TRAF7: variants seen among roughly 807,000 people sequenced by gnomAD.
The protein encoded by TRAF7 is E3 ubiquitin-protein ligase TRAF7.
TRAF7 carries 45 observed loss-of-function variants against 89.3 expected under a neutral mutation model. The ratio of observed to expected loss-of-function variants is 0.50; its 90% CI spans 0.40 to 0.65. The LOEUF (loss-of-function observed/expected upper bound fraction) is 0.65, where lower values mean the gene tolerates loss of function less well. Ranked by LOEUF, TRAF7 falls within the 30% of genes least tolerant of loss-of-function variation. TRAF7 has a pLI of 0.00. For synonymous variants in TRAF7, 406 were observed against 369.2 expected, an observed-to-expected ratio of 1.10 and a Z score of -1.14; for missense variants, 677 against 918.1, an observed-to-expected ratio of 0.74 and a Z score of 3.39.
Position 2,162,393 on chromosome 16 carries a change from T to A in TRAF7, c.-38-1490T>A, listed in dbSNP as rs2093061601. ...TGTGGGCACGGTGGTGGGTGATGAGTGGCATCTTGAAGGCGCATGCAGGGC... is the reference window on the plus strand; with the variant it reads ...TGTGGGCACGGTGGTGGGTGATGAGAGGCATCTTGAAGGCGCATGCAGGGC... On this transcript the variant is annotated intron_variant, in intron 1 of 20. Coordinates refer to ENST00000326181, the MANE Select transcript of TRAF7 (RefSeq NM_032271.3). The surrounding 1 kb of genome is among the most constrained non-coding windows in gnomAD (Gnocchi z 5.0). Among the ~76,000 whole-genome samples the A allele has an allele frequency of 6.6e-6, 1 of 151,858 alleles. No homozygotes were observed. The highest frequency in any genetic ancestry group is 2.4e-5 in the African/African-American group (1 of 41,348).
chr16:2,173,833 G>A lies in TRAF7; in HGVS notation c.1132G>A (p.Gly378Ser). The stretch of plus-strand genomic sequence containing the variant: ...CGCGCGGCTGAACATGGGCATCCTA[G>A]GCTGTGAGTATGGACCCGCCGTGGC... Reference protein sequence around the residue: ...INARLNMGILGSYDPQQIFKC... With the variant: ...INARLNMGILSSYDPQQIFKC... Residue 378 changes from glycine to serine, a missense_variant, in exon 12 of 21, where the codon GGC becomes AGC. Transcript: ENST00000326181. 6.2e-7 allele frequency: 1 copy of A among 1,611,148 alleles called. No homozygotes were observed. Among genetic ancestry groups the A allele is most frequent in the Non-Finnish European group, 8.5e-7 (1 of 1,179,880 alleles).
In TRAF7 at chr16:2,160,202, G is replaced by T. The variant is rs574995478; in HGVS notation, c.-38-3681G>T. ...ACCCTGGGCCTGAATCCCAGATTCA[G>T]GCGAGGTCAGGGAGGGGCTGCCCTG... is the stretch of plus-strand genomic sequence containing the variant. On this transcript the variant is annotated intron_variant, in intron 1 of 20. Transcript: ENST00000326181. 2.0e-5 allele frequency among the ~76,000 whole-genome samples: 3 copies of T among 152,208 alleles called. No homozygotes were observed. In the South Asian group the frequency reaches 6.2e-4, roughly 32 times the overall value.
intron 1 of TRAF7, 129 bp downstream of exon 1, chr16:2,155,987 G>T (rs2093031919): frequency 6.6e-6 from 1 of 150,382 alleles, no homozygotes; most frequent in Non-Finnish European, 1.5e-5. Flanking sequence ...CGGGGAGGGG[G>T]GGGCGGGGCT....
rs1397292006 is a variant in TRAF7, at chr16:2,176,079, C to T, written c.1777C>T (p.Arg593Trp). 1.2e-6 allele frequency: 2 copies of T among 1,610,162 alleles called. No homozygotes were observed. The highest frequency in any genetic ancestry group is 1.7e-6 in the Non-Finnish European group (2 of 1,178,560). The change falls in exon 19 of 21, where the codon CGG (arginine) becomes TGG (tryptophan). Residue 593 changes from arginine (R) to tryptophan (W), a missense_variant. Around this residue, in one of 6 missense-constraint regions of TRAF7, gnomAD observed 160 missense variants for 263.7 expected, o/e 0.61. Coordinates refer to ENST00000326181, the MANE Select transcript of TRAF7 (RefSeq NM_032271.3). ...GGACATTGAGTCCAAGGAGCAGGTG[C>T]GGACCCTCACGGGCCACGTGGGCAC... The part of the protein sequence containing the change: ...VWDIESKEQV[R>W]TLTGHVGTVY...
rs1164847718 is a variant in TRAF7, at chr16:2,175,727, C to T, written c.1626+105C>T. On this transcript the variant is annotated intron_variant, in intron 17 of 20. Transcript: ENST00000326181. ...GCCCTGTTCCTACCTTCGCACATCC[C>T]CTGGCTGGGTGGGTGGGCTGCCCAG... is the stretch of plus-strand genomic sequence containing the variant. 4 of 1,587,892 alleles carry T rather than the reference C, an allele frequency of 2.5e-6. No individual in the cohort carries two copies. The African/African-American group carries it at 4.0e-5, about 16-fold the overall frequency.
At position 2,171,334 on chromosome 16, in the gene TRAF7, A is replaced by T. The variant is rs139591663; in HGVS notation, c.419A>T (p.Asp140Val). 1 of 1,553,508 alleles carries T rather than the reference A, an allele frequency of 6.4e-7. No homozygotes were observed. Among genetic ancestry groups the T allele is most frequent in the Non-Finnish European group, 8.7e-7 (1 of 1,148,992 alleles). ...CAGCTCTGCTGCAGCGTCTTCAAAGACCCCGTGATCACCACGTGTGGGGTG... is the reference window on the plus strand; with the variant it reads ...CAGCTCTGCTGCAGCGTCTTCAAAGTCCCCGTGATCACCACGTGTGGGGTG... ...CCQLCCSVFKDPVITTCGHTF... is the reference protein window; with the variant it reads ...CCQLCCSVFKVPVITTCGHTF... The change falls in exon 6 of 21, where the codon GAC becomes GTC. Residue 140 changes from aspartate (D) to valine (V), a missense_variant. Physicochemically the swap from Asp to Val is radical, Grantham distance 152 (BLOSUM62 -3). Around this residue, in one of 6 missense-constraint regions of TRAF7, gnomAD observed 238 missense variants for 352.6 expected, o/e 0.67. Coordinates refer to ENST00000326181, the MANE Select transcript of TRAF7 (RefSeq NM_032271.3).
At chr16:2,164,411 T>G in intron 2 of TRAF7, among the ~76,000 whole-genome samples, 1 of 141,268 alleles carries the variant, frequency 7.1e-6, no homozygotes, top group African/African-American at 2.7e-5. Context: ...TGGTTAAGCG[T>G]GTGAGTGCTG....
chr16:2,166,814 C>T (rs1024036725), intron 3 of TRAF7, among the ~76,000 whole-genome samples: 6 of 152,268 alleles, frequency 3.9e-5, no homozygotes, highest in Admixed American at 1.3e-4. Context: ...GCGCTTTGAA[C>T]GCAAGCGCCG....
chr16:2,159,028 A>T lies in TRAF7; in HGVS notation c.-39+3170A>T, dbSNP rs1444942449. On this transcript the variant is annotated intron_variant, in intron 1 of 20. Coordinates refer to ENST00000326181, the MANE Select transcript of TRAF7 (RefSeq NM_032271.3). This position sits in a 1 kb window ranked among gnomAD's most constrained non-coding sequence, Gnocchi z 6.5. ...AATAGACAGCCATGAGATACAGGGG[A>T]AAAAAGGACTGAGAGATGTTGCCAG... Among the ~76,000 whole-genome samples the T allele has an allele frequency of 6.6e-6, 1 of 152,132 alleles. No individual in the cohort carries two copies. The highest frequency in any genetic ancestry group is 1.5e-5 in the Non-Finnish European group (1 of 68,020).
intron 7 of TRAF7, 77 bp downstream of exon 7, chr16:2,171,682 T>C: frequency 6.2e-7 from 1 of 1,604,850 alleles, no homozygotes; most frequent in South Asian, 1.1e-5. Context: ...GCTTCTCCCT[T>C]GTCCCCTGCA....
chr16:2,174,982 C>A, intron 14 of TRAF7, 129 bp from the exon 15 acceptor site: 2 of 1,153,140 alleles, frequency 1.7e-6, no homozygotes. Flanking sequence ...CTTAAGGACA[C>A]AGCAGTGGCC....
Position 2,175,638 on chromosome 16 carries a change from C to T in TRAF7, c.1626+16C>T, listed in dbSNP as rs550688893. 10 of 1,609,196 alleles carry T rather than the reference C, an allele frequency of 6.2e-6. No homozygotes were observed. The South Asian group carries it at 7.7e-5, about 12-fold the overall frequency. On this transcript the variant is annotated intron_variant, in intron 17 of 20. Coordinates refer to ENST00000326181, the MANE Select transcript of TRAF7 (RefSeq NM_032271.3). ...GACAATCAAGGTGCGCTTGGGCACA[C>T]CTGGTGGCCACAGGGCCTTGCCTCC... is the stretch of plus-strand genomic sequence containing the variant.
rs1567244688 is a variant in TRAF7, at chr16:2,158,779, G to GT, written c.-39+2921_-39+2922insT. ...AAGCGTGGGCTCGGCGGGGGGGGGG[G>GT]GGACACTGCCACCCTTGGCTCTTGG... On this transcript the variant is annotated intron_variant, in intron 1 of 20. Coordinates refer to ENST00000326181, the MANE Select transcript of TRAF7 (RefSeq NM_032271.3). The surrounding 1 kb of genome is among the most constrained non-coding windows in gnomAD (Gnocchi z 4.7). 6.6e-6 allele frequency among the ~76,000 whole-genome samples: 1 copy of GT among 150,942 alleles called. No individual in the cohort carries two copies. Among genetic ancestry groups the GT allele is most frequent in the South Asian group, 2.1e-4 (1 of 4,722 alleles).
chr16:2,159,465 G>C lies in TRAF7; in HGVS notation c.-39+3607G>C, dbSNP rs933928350. The stretch of plus-strand genomic sequence containing the variant: ...AAAAAACGTTCTAAGGGACGTCAGG[G>C]AACAGCGGCGGAAGTGCGTGTGGCT... On this transcript the variant is annotated intron_variant, in intron 1 of 20. Coordinates refer to ENST00000326181, the MANE Select transcript of TRAF7 (RefSeq NM_032271.3). The surrounding 1 kb of genome is among the most constrained non-coding windows in gnomAD (Gnocchi z 6.5). Among the ~76,000 whole-genome samples the C allele has an allele frequency of 3.9e-5, 6 of 152,208 alleles. No homozygotes were observed. The highest frequency in any genetic ancestry group is 1.4e-4 in the African/African-American group (6 of 41,440).
At position 2,159,787 on chromosome 16, in the gene TRAF7, A is replaced by G. The variant is rs947704105; in HGVS notation, c.-39+3929A>G. ...CCACACATGTTCAGGGGACCCCCAC[A>G]CCCCACCTGCTCCGGGTTGCTGGAG... On this transcript the variant is annotated intron_variant, in intron 1 of 20. Transcript: ENST00000326181. The surrounding 1 kb of genome is among the most constrained non-coding windows in gnomAD (Gnocchi z 6.5). Among the ~76,000 whole-genome samples, 2 of 152,052 alleles carry G rather than the reference A, an allele frequency of 1.3e-5. No homozygotes were observed. Among genetic ancestry groups the G allele is most frequent in the Admixed American group, 1.3e-4 (2 of 15,288 alleles).
intron 5 of TRAF7, 53 bp from the exon 6 acceptor site, chr16:2,171,211 G>A (rs2093108311): frequency 1.4e-6 from 2 of 1,462,418 alleles, no homozygotes; most frequent in Non-Finnish European, 1.9e-6. Flanking sequence ...CTGGGTGGTG[G>A]CGGGGCTGAG....
intron 3 of TRAF7, among the ~76,000 whole-genome samples, 190 bp downstream of exon 3, chr16:2,166,126 C>T (rs553093640): frequency 2.0e-5 from 3 of 152,338 alleles, no homozygotes; most frequent in South Asian, 4.1e-4. Context: ...GGACAGGAGT[C>T]GGGTGTCCTG....
chr16:2,166,361 C>G (rs1232149245), intron 3 of TRAF7, among the ~76,000 whole-genome samples: 1 of 152,158 alleles, frequency 6.6e-6, no homozygotes, highest in Admixed American at 6.5e-5. Flanking sequence ...AACAGTGCTG[C>G]AGTTGTGACA....
chr16:2,175,688 C>G (rs2093132662), intron 17 of TRAF7, 66 bp downstream of exon 17: 1 of 1,593,582 alleles, frequency 6.3e-7, no homozygotes. Context: ...AGGCCAGCAC[C>G]TGGGGCTCCA....
Sources: allele counts gnomAD v4.1 joint callset (sites outside exome capture counted in the v4.1 genomes callset), GRCh38; gene constraint gnomAD v4.1.1; regional missense constraint gnomAD v4.1.1; non-coding constraint Gnocchi (gnomAD v3.1); transcripts MANE v1.5; gene names NCBI Gene and HGNC (gene_info 2026-07-23, HGNC 2026-07-21).